ZDHHC15: variants seen among roughly 807,000 people sequenced by gnomAD.
ZDHHC15 encodes the protein palmitoyltransferase ZDHHC15.
ZDHHC15 carries 19 observed loss-of-function variants against 31.7 expected under a neutral mutation model. That is an observed-to-expected ratio of 0.60 (90% confidence interval 0.42 to 0.88). The LOEUF (loss-of-function observed/expected upper bound fraction) is 0.88. Among genes scored for constraint, ZDHHC15 ranks in the 40% least tolerant of loss-of-function variants. The pLI, the probability that ZDHHC15 is intolerant of heterozygous loss-of-function variation, is 0.00. For missense variants in ZDHHC15, 209 were observed against 251.2 expected (o/e 0.83, Z 1.14); for synonymous variants, 103 against 90.0 (o/e 1.14, Z -0.82).
At chrX:75,473,641 C>A (rs1395324792) in intron 3 of ZDHHC15, among the ~76,000 whole-genome samples, 1 of 111,296 alleles carries the variant, frequency 9.0e-6, no homozygotes, top group Non-Finnish European at 1.9e-5. Flanking sequence ...ATTTATTACT[C>A]CACAACGGAG....
At chrX:75,490,096 G>C (rs1210276205) in intron 2 of ZDHHC15, among the ~76,000 whole-genome samples, 1 of 111,794 alleles carries the variant, frequency 8.9e-6, no homozygotes, top group Non-Finnish European at 1.9e-5. Flanking sequence ...TATGTGAAAA[G>C]ACCAAATCTA....
At position 75,478,009 on chromosome X, in the gene ZDHHC15, A is replaced by G. The variant is rs375875155; in HGVS notation, c.258+882T>C. On this transcript the variant is annotated intron_variant, in intron 3 of 11. Transcript: ENST00000373367. The stretch of plus-strand genomic sequence containing the variant: ...ACCATTTTGGCTTCATTAAGGAGAC[A>G]GTATTTTTCCTAATGTTCGGAGGCT... Among the ~76,000 whole-genome samples the G allele has an allele frequency of 2.4e-4, 27 of 111,557 alleles. No individual in the cohort carries two copies. The East Asian group carries it at 5.4e-3, about 22-fold the overall frequency.
chrX:75,510,371 G>A (rs1245992120), intron 1 of ZDHHC15, among the ~76,000 whole-genome samples: 1 of 109,659 alleles, frequency 9.1e-6, no homozygotes, highest in Non-Finnish European at 1.9e-5. Context: ...TTTGTCATAT[G>A]AATGACATAA....
At chrX:75,400,286 A>C (rs967707846) in intron 10 of ZDHHC15, among the ~76,000 whole-genome samples, 20 of 111,986 alleles carry the variant, frequency 1.8e-4, no homozygotes, top group Non-Finnish European at 2.1e-4. Context: ...AAAGAACCTA[A>C]TGGGTCTGAC....
At chrX:75,466,719 T>C (rs1287234959) in intron 3 of ZDHHC15, among the ~76,000 whole-genome samples, 1 of 110,699 alleles carries the variant, frequency 9.0e-6, no homozygotes, top group Non-Finnish European at 1.9e-5. Flanking sequence ...AGCCATAAAA[T>C]GGAAGGAGAT....
At chrX:75,387,870 C>T (rs749314972) in intron 10 of ZDHHC15, among the ~76,000 whole-genome samples, 1 of 111,834 alleles carries the variant, frequency 8.9e-6, no homozygotes, top group Non-Finnish European at 1.9e-5. Flanking sequence ...GTCAAACTAC[C>T]CCAAGGCATA....
intron 3 of ZDHHC15, among the ~76,000 whole-genome samples, chrX:75,473,801 C>A (rs1323374974): frequency 8.9e-6 from 1 of 111,761 alleles, no homozygotes; most frequent in Non-Finnish European, 1.9e-5. Flanking sequence ...TGTATACACT[C>A]GTACTAAGAA....
At chrX:75,505,734 G>A in intron 2 of ZDHHC15, 87 bp downstream of exon 2, 1 of 1,042,135 alleles carries the variant, frequency 9.6e-7, no homozygotes, top group Non-Finnish European at 1.3e-6. Context: ...TGGGAAAATT[G>A]CTCGGTCTAT....
intron 4 of ZDHHC15, among the ~76,000 whole-genome samples, chrX:75,432,077 C>A (rs1047388715): frequency 8.9e-6 from 1 of 111,878 alleles, no homozygotes; most frequent in Admixed American, 9.5e-5. Context: ...GGTCACACAG[C>A]AAGTTGCTGG....
chrX:75,401,154 G>A (rs749575827), intron 10 of ZDHHC15, among the ~76,000 whole-genome samples: 3 of 24,426 alleles, frequency 1.2e-4, no homozygotes, highest in Admixed American at 1.9e-3. Flanking sequence ...GATGAATCTT[G>A]TGTTTTTTTA....
chrX:75,497,042 C>T (rs1215165054), intron 2 of ZDHHC15, among the ~76,000 whole-genome samples: 1 of 110,832 alleles, frequency 9.0e-6, no homozygotes, highest in Non-Finnish European at 1.9e-5. Context: ...ATAAATAAAA[C>T]AAAAAGCTAG....
intron 2 of ZDHHC15, among the ~76,000 whole-genome samples, chrX:75,493,989 A>T (rs959768449): frequency 1.8e-5 from 2 of 111,613 alleles, no homozygotes; most frequent in Admixed American, 1.9e-4. Flanking sequence ...TAAGAAGTCA[A>T]ATTGTCCCTG....
chrX:75,478,755 C>A (rs1057261645), intron 3 of ZDHHC15, 136 bp downstream of exon 3: 32 of 470,231 alleles, frequency 6.8e-5, no homozygotes, highest in South Asian at 4.8e-4. Context: ...CCTCAATTCA[C>A]CTTTATCACT....
intron 10 of ZDHHC15, among the ~76,000 whole-genome samples, chrX:75,387,438 T>C (rs1348302288): frequency 9.0e-6 from 1 of 111,185 alleles, no homozygotes; most frequent in African/African-American, 3.3e-5. Context: ...AGAGAAGCAA[T>C]TCAGAAATTT....
chrX:75,464,751 A>C (rs2084375646), intron 3 of ZDHHC15, among the ~76,000 whole-genome samples: 1 of 111,869 alleles, frequency 8.9e-6, no homozygotes, highest in Non-Finnish European at 1.9e-5. Flanking sequence ...GATAAAATTG[A>C]ACATCTCTTC....
chrX:75,479,204 G>T (rs777793364), intron 2 of ZDHHC15, among the ~76,000 whole-genome samples: 2 of 111,730 alleles, frequency 1.8e-5, no homozygotes, highest in Non-Finnish European at 3.8e-5. Context: ...CACCTTAAAA[G>T]TTGCCATGTC....
At chrX:75,465,045 T>C (rs1602672780) in intron 3 of ZDHHC15, among the ~76,000 whole-genome samples, 1 of 112,272 alleles carries the variant, frequency 8.9e-6, no homozygotes, top group Non-Finnish European at 1.9e-5. Context: ...TGATCCTATA[T>C]GTAGAAAACC....
intron 9 of ZDHHC15, among the ~76,000 whole-genome samples, chrX:75,418,712 T>C (rs993539174): frequency 8.9e-6 from 1 of 112,088 alleles, no homozygotes; most frequent in Non-Finnish European, 1.9e-5. Flanking sequence ...GGGGAAAGGA[T>C]TCCCTATTTA....
At chrX:75,486,505 T>C (rs984326612) in intron 2 of ZDHHC15, among the ~76,000 whole-genome samples, 1 of 112,391 alleles carries the variant, frequency 8.9e-6, no homozygotes, top group African/African-American at 3.2e-5. Flanking sequence ...ATAGAAGCCA[T>C]AGCTGACCAG....
Sources: allele counts gnomAD v4.1 joint callset (sites outside exome capture counted in the v4.1 genomes callset), GRCh38; gene constraint gnomAD v4.1.1; transcripts MANE v1.5; gene names NCBI Gene and HGNC (gene_info 2026-07-23, HGNC 2026-07-21).